HS6ST3: variants seen among roughly 807,000 people sequenced by gnomAD.
HS6ST3 encodes the protein heparan sulfate 6-O-sulfotransferase 3, also known as heparan-sulfate 6-O-sulfotransferase 3.
In HS6ST3, 12 loss-of-function variants were observed where a neutral mutation model predicts 36.7. The ratio of observed to expected loss-of-function variants is 0.33; its 90% CI spans 0.21 to 0.53. The LOEUF (loss-of-function observed/expected upper bound fraction) is 0.53, where lower values mean the gene tolerates loss of function less well. Among genes scored for constraint, HS6ST3 ranks in the 20% least tolerant of loss-of-function variants. HS6ST3 has a pLI of 0.95. For synonymous variants in HS6ST3, 240 were observed against 257.5 expected, an observed-to-expected ratio of 0.93 and a Z score of 0.65; for missense variants, 584 against 640.9, an observed-to-expected ratio of 0.91 and a Z score of 0.96.
At chr13:96,424,654 G>A (rs929261716) in intron 1 of HS6ST3, among the ~76,000 whole-genome samples, 11 of 152,076 alleles carry the variant, frequency 7.2e-5, no homozygotes, top group Admixed American at 5.9e-4. Context: ...GTCCTTAGAC[G>A]GCAAAAGGGG....
intron 1 of HS6ST3, among the ~76,000 whole-genome samples, chr13:96,405,744 C>T (rs982109193): frequency 6.6e-6 from 1 of 152,144 alleles, no homozygotes; most frequent in Admixed American, 6.5e-5. Flanking sequence ...TGCAAAAGGC[C>T]TGCCAGTGCA....
chr13:96,561,598 C>T (rs1203236125), intron 1 of HS6ST3, among the ~76,000 whole-genome samples: 1 of 152,032 alleles, frequency 6.6e-6, no homozygotes, highest in Admixed American at 6.6e-5. Flanking sequence ...AGTAAACAGG[C>T]ACCCTATTGG....
intron 1 of HS6ST3, among the ~76,000 whole-genome samples, chr13:96,580,528 C>A (rs114548466): frequency 0.011 from 1,719 of 151,962 alleles, 25 homozygotes; most frequent in African/African-American, 0.039. Flanking sequence ...GTTTGCTAAT[C>A]CCTACCGTGA....
intron 1 of HS6ST3, among the ~76,000 whole-genome samples, chr13:96,638,448 A>G (rs965680493): frequency 2.0e-5 from 3 of 152,026 alleles, no homozygotes; most frequent in African/African-American, 7.2e-5. Flanking sequence ...AAGTGGATTG[A>G]TATGGCATGG....
chr13:96,788,560 T>C (rs931796786), intron 1 of HS6ST3, among the ~76,000 whole-genome samples: 1 of 151,910 alleles, frequency 6.6e-6, no homozygotes, highest in African/African-American at 2.4e-5. Context: ...ATTAGATCCA[T>C]TGGTTGATGG....
chr13:96,830,986 C>G (rs1594870357), intron 1 of HS6ST3, among the ~76,000 whole-genome samples: 1 of 152,190 alleles, frequency 6.6e-6, no homozygotes, highest in East Asian at 1.9e-4. Flanking sequence ...CTATGGCTTC[C>G]CTGACAAATG....
At chr13:96,119,256 T>C (rs1429565579) in intron 1 of HS6ST3, among the ~76,000 whole-genome samples, 1 of 152,060 alleles carries the variant, frequency 6.6e-6, no homozygotes, top group African/African-American at 2.4e-5. Context: ...CATTAAATAA[T>C]TTCAATTAAT....
intron 1 of HS6ST3, among the ~76,000 whole-genome samples, chr13:96,345,367 T>A (rs1664926081): frequency 6.6e-6 from 1 of 152,196 alleles, no homozygotes; most frequent in South Asian, 2.1e-4. Flanking sequence ...AGCGTGTTTG[T>A]CTTAGTGACT....
chr13:96,539,365 T>G (rs938971261), intron 1 of HS6ST3, among the ~76,000 whole-genome samples: 1 of 152,114 alleles, frequency 6.6e-6, no homozygotes, highest in Non-Finnish European at 1.5e-5. Context: ...ACTTTTTTTT[T>G]TTCTTTTTGA....
chr13:96,661,317 C>T lies in HS6ST3; in HGVS notation c.708-171173C>T, dbSNP rs555851439. 1.2e-4 allele frequency among the ~76,000 whole-genome samples: 18 copies of T among 152,182 alleles called. No individual in the cohort carries two copies. The East Asian group carries it at 3.5e-3, about 29-fold the overall frequency. ...ACATTGTTTTATGAATGTGGGTGCTCCAGTATTGGGTGCATGTATTTTGAT... is the reference window on the plus strand; with the variant it reads ...ACATTGTTTTATGAATGTGGGTGCTTCAGTATTGGGTGCATGTATTTTGAT... On this transcript the variant is annotated intron_variant, in intron 1 of 1. Coordinates refer to ENST00000376705, the MANE Select transcript of HS6ST3 (RefSeq NM_153456.4).
chr13:96,767,058 A>G (rs919527573), intron 1 of HS6ST3, among the ~76,000 whole-genome samples: 2 of 152,206 alleles, frequency 1.3e-5, no homozygotes, highest in Non-Finnish European at 2.9e-5. Context: ...TTAATAAGTT[A>G]TGGTTAATGA....
At chr13:96,259,650 A>C (rs1378735655) in intron 1 of HS6ST3, among the ~76,000 whole-genome samples, 1 of 152,084 alleles carries the variant, frequency 6.6e-6, no homozygotes, top group East Asian at 1.9e-4. Flanking sequence ...CACAACCCCA[A>C]CCTGTCATCT....
chr13:96,776,958 C>G (rs905095990), intron 1 of HS6ST3, among the ~76,000 whole-genome samples: 4 of 152,180 alleles, frequency 2.6e-5, no homozygotes, highest in African/African-American at 7.2e-5. Flanking sequence ...TACTGGCAAA[C>G]CAAATCCAGC....
chr13:96,359,100 G>A (rs1169906130), intron 1 of HS6ST3, among the ~76,000 whole-genome samples: 1 of 152,156 alleles, frequency 6.6e-6, no homozygotes, highest in Non-Finnish European at 1.5e-5. Flanking sequence ...GGTACTTGGT[G>A]CTGACTTCAT....
intron 1 of HS6ST3, among the ~76,000 whole-genome samples, chr13:96,144,487 G>T (rs1194698472): frequency 1.3e-5 from 2 of 151,886 alleles, no homozygotes; most frequent in Non-Finnish European, 2.9e-5. Context: ...ATCCTGAGAG[G>T]GTTGAAAGTG....
rs397954592 is a variant in HS6ST3, at chr13:96,158,652, C to CAAAAA, written c.707+67102_707+67106dup. Among the ~76,000 whole-genome samples the CAAAAA allele has an allele frequency of 1.2e-3, 81 of 68,786 alleles. 3 individuals carry two copies. Among genetic ancestry groups the CAAAAA allele is most frequent in the East Asian group, 2.1e-3 (5 of 2,370 alleles). The allele number at this position is 68,786 out of a possible 152,430, so 45.1% of individuals were successfully genotyped here. A position where few individuals can be genotyped will look rare whatever the true frequency, so the allele number is the denominator to read the frequency against. ...TGGGAGACAGAGCGAGACTCCGTCTCAAAAAAAAAAAAAAAAAAAAAAATA... is the reference window on the plus strand; with the variant it reads ...TGGGAGACAGAGCGAGACTCCGTCTCAAAAAAAAAAAAAAAAAAAAAAAAAAAATA... On this transcript the variant is annotated intron_variant, in intron 1 of 1. Coordinates refer to ENST00000376705, the MANE Select transcript of HS6ST3 (RefSeq NM_153456.4).
intron 1 of HS6ST3, among the ~76,000 whole-genome samples, chr13:96,691,641 TCC>T (rs1874962137): frequency 6.6e-6 from 1 of 151,732 alleles, no homozygotes; most frequent in Non-Finnish European, 1.5e-5. Context: ...TCCCTTCCCT[TCC>T]CTTCCTTTCC....
chr13:96,266,872 A>G (rs2054694956), intron 1 of HS6ST3, among the ~76,000 whole-genome samples: 1 of 152,144 alleles, frequency 6.6e-6, no homozygotes. Context: ...GCCTCCAAGG[A>G]ATGGTCAGTC....
At chr13:96,148,881 T>C (rs1286000029) in intron 1 of HS6ST3, among the ~76,000 whole-genome samples, 1 of 152,108 alleles carries the variant, frequency 6.6e-6, no homozygotes, top group Non-Finnish European at 1.5e-5. Context: ...AGGAAACATA[T>C]GGTGACTGCA....
Sources: gnomAD v4.1 joint callset for allele counts (sites outside exome capture counted in the v4.1 genomes callset) on GRCh38, gnomAD v4.1.1 for gene constraint, MANE v1.5 for transcripts, NCBI Gene and HGNC (gene_info 2026-07-23, HGNC 2026-07-21) for gene names.